The following DRD3 variants were observed in gnomAD, a reference collection of about 807,000 sequenced individuals.
The protein encoded by DRD3 is D(3) dopamine receptor.
A neutral mutation model predicts 36.3 loss-of-function variants in DRD3; 19 were observed. The observed-to-expected ratio is 0.52, with a 90% confidence interval of 0.36 to 0.77. The LOEUF is 0.77. Among genes scored for constraint, DRD3 ranks in the 30% least tolerant of loss-of-function variants. The probability of loss-of-function intolerance (pLI) is 0.00; values close to 1 mark genes in which losing one functional copy is unlikely to be tolerated. For missense variants in DRD3, 465 were observed against 505.3 expected, an observed-to-expected ratio of 0.92 and a Z score of 0.77; for synonymous variants, 195 against 203.7, an observed-to-expected ratio of 0.96 and a Z score of 0.36.
At chr3:114,190,212 C>T (rs975974786) in intron 1 of DRD3, among the ~76,000 whole-genome samples, 6 of 151,460 alleles carry the variant, frequency 4.0e-5, no homozygotes, top group Non-Finnish European at 5.9e-5. Context: ...GAAGCCTTCA[C>T]CAACCAGGTG....
intron 3 of DRD3, among the ~76,000 whole-genome samples, chr3:114,155,944 TCTC>T (rs1359420945): frequency 1.3e-5 from 2 of 152,054 alleles, no homozygotes; most frequent in Non-Finnish European, 2.9e-5. Flanking sequence ...TTCCGCCTCT[TCTC>T]CTTCTCCCAA....
chr3:114,165,230 A>C (rs2077772187), intron 2 of DRD3, among the ~76,000 whole-genome samples: 1 of 152,198 alleles, frequency 6.6e-6, no homozygotes, highest in Non-Finnish European at 1.5e-5. Flanking sequence ...AGTATAAGTG[A>C]TGTTTCAAGA....
intron 2 of DRD3, among the ~76,000 whole-genome samples, chr3:114,169,531 A>G (rs896729779): frequency 6.6e-6 from 1 of 152,008 alleles, no homozygotes. Context: ...TTGATCACTG[A>G]ATACCTACAT....
intron 1 of DRD3, among the ~76,000 whole-genome samples, chr3:114,194,677 G>A (rs1034566224): frequency 1.3e-5 from 2 of 152,144 alleles, no homozygotes; most frequent in African/African-American, 4.8e-5. Context: ...GGTACATTCT[G>A]TCATTAGTTT....
At chr3:114,139,903 TAA>T (rs35898979) in intron 4 of DRD3, among the ~76,000 whole-genome samples, 1 of 152,098 alleles carries the variant, frequency 6.6e-6, no homozygotes, top group Admixed American at 6.5e-5. Flanking sequence ...TTGCTTAAAA[TAA>T]AAAGTTACCA....
At chr3:114,153,425 A>G (rs77348312) in intron 3 of DRD3, among the ~76,000 whole-genome samples, 4,042 of 152,304 alleles carry the variant, frequency 0.027, 99 homozygotes, top group Middle Eastern at 0.068. Context: ...TCCTGATATC[A>G]GGTAATATTA....
chr3:114,198,181 C>G (rs1393237963), intron 1 of DRD3, among the ~76,000 whole-genome samples: 3 of 150,786 alleles, frequency 2.0e-5, no homozygotes, highest in African/African-American at 4.9e-5. Context: ...AAGAAAATGT[C>G]TTATTCTTAA....
chr3:114,151,604 A>G (rs1357041535), intron 3 of DRD3, among the ~76,000 whole-genome samples: 2 of 152,176 alleles, frequency 1.3e-5, no homozygotes, highest in Non-Finnish European at 2.9e-5. Context: ...AGAGTTATAT[A>G]CTTTCCTAAA....
chr3:114,154,946 C>G (rs1177709653), intron 3 of DRD3, among the ~76,000 whole-genome samples: 2 of 152,214 alleles, frequency 1.3e-5, no homozygotes, highest in East Asian at 3.8e-4. Flanking sequence ...ACTTCCCACT[C>G]TGCTTTTTAA....
chr3:114,170,936 T>C (rs1487338184), intron 2 of DRD3, among the ~76,000 whole-genome samples: 2 of 152,220 alleles, frequency 1.3e-5, no homozygotes, highest in Non-Finnish European at 2.9e-5. Context: ...AGAATATCTG[T>C]TTCTTGAACA....
rs781522239 is a variant in DRD3 at position 114,171,943 on chromosome 3, G to A, written c.50C>T (p.Ala17Val). 2.5e-6 allele frequency: 4 copies of A among 1,575,196 alleles called. No homozygotes were observed. The highest frequency in any genetic ancestry group is 1.7e-4 in the Middle Eastern group (1 of 5,886). Residue 17 changes from alanine to valine, a missense_variant, in exon 2 of 7, where the codon GCA becomes GTA. Transcript: ENST00000383673. ...LSGHLNYTCGAENSTGASQAR... is the reference protein window; with the variant it reads ...LSGHLNYTCGVENSTGASQAR... Reference sequence around the variant, plus strand: ...CTGGCTGGCACCTGTGGAGTTCTCTGCCCCACAGGTGTAGTTCAGGTGGCC... The same window carrying A: ...CTGGCTGGCACCTGTGGAGTTCTCTACCCCACAGGTGTAGTTCAGGTGGCC...
chr3:114,137,649 C>A (rs2077485515), intron 5 of DRD3, among the ~76,000 whole-genome samples: 1 of 152,048 alleles, frequency 6.6e-6, no homozygotes, highest in Non-Finnish European at 1.5e-5. Context: ...GCATTATAGA[C>A]CAGCCTAGCC....
At chr3:114,159,268 C>G (rs1171942133) in intron 3 of DRD3, among the ~76,000 whole-genome samples, 1 of 151,990 alleles carries the variant, frequency 6.6e-6, no homozygotes, top group Admixed American at 6.6e-5. Context: ...AATTGCCTTT[C>G]TCCCCCACTT....
In DRD3 at chr3:114,139,818, G is replaced by A. The variant is rs2077509070; in HGVS notation, c.527-122C>T. The A allele has an allele frequency of 8.0e-6, 7 of 872,770 alleles. No individual in the cohort carries two copies. The African/African-American group carries it at 8.4e-5, about 11-fold the overall frequency. 54.1% of individuals were successfully genotyped at this position (872,770 alleles called of 1,614,324 possible). On this transcript the variant is annotated intron_variant, in intron 4 of 6. Coordinates refer to ENST00000383673, the MANE Select transcript of DRD3 (RefSeq NM_000796.6). ...TTTCTGCTGCACAGGGGGTGGGAAG[G>A]ATGCAGTCTCAGATACGTATACTGT...
intron 5 of DRD3, 59 bp from the exon 6 acceptor site, chr3:114,131,459 T>G: frequency 6.4e-7 from 1 of 1,556,734 alleles, no homozygotes; most frequent in Non-Finnish European, 8.7e-7. Flanking sequence ...ATCTTCTGAA[T>G]GTTCCTGAAA....
intron 5 of DRD3, among the ~76,000 whole-genome samples, chr3:114,136,994 C>T (rs966101345): frequency 5.3e-5 from 8 of 152,284 alleles, no homozygotes; most frequent in Admixed American, 3.9e-4. Flanking sequence ...ATTGTCACAC[C>T]GTGTGCAAGA....
At chr3:114,151,126 A>G (rs1341925469) in intron 3 of DRD3, among the ~76,000 whole-genome samples, 1 of 152,170 alleles carries the variant, frequency 6.6e-6, no homozygotes, top group Non-Finnish European at 1.5e-5. Flanking sequence ...GAGCAGGTCA[A>G]GTAGCAGCTG....
At chr3:114,159,998 A>C in intron 2 of DRD3, 131 bp from the exon 3 acceptor site, 2 of 752,932 alleles carry the variant, frequency 2.7e-6, no homozygotes, top group Non-Finnish European at 4.5e-6. Flanking sequence ...CGTTGTTCCC[A>C]CAGGGCAGAT....
At chr3:114,132,448 C>T (rs2077439108) in intron 5 of DRD3, among the ~76,000 whole-genome samples, 1 of 152,138 alleles carries the variant, frequency 6.6e-6, no homozygotes, top group South Asian at 2.1e-4. Flanking sequence ...GGACAAATAC[C>T]TAATCCATGC....
Sources: allele counts gnomAD v4.1 joint callset (sites outside exome capture counted in the v4.1 genomes callset), GRCh38; gene constraint gnomAD v4.1.1; transcripts MANE v1.5; gene names NCBI Gene and HGNC (gene_info 2026-07-23, HGNC 2026-07-21).